OPA3: variants seen among roughly 807,000 people sequenced by gnomAD.
OPA3 encodes outer mitochondrial membrane lipid metabolism regulator OPA3.
In OPA3, 6 loss-of-function variants were observed where a neutral mutation model predicts 4.0. The ratio of observed to expected loss-of-function variants is 1.51; its 90% confidence interval spans 0.83 to 2.99. The LOEUF (loss-of-function observed/expected upper bound fraction) is 2.99. Among genes scored for constraint, OPA3 ranks in the 30% most tolerant of loss-of-function variants. OPA3 has a pLI of 0.00. For missense variants in OPA3, 235 were observed against 256.2 expected, an observed-to-expected ratio of 0.92 and a Z score of 0.56; for synonymous variants, 105 against 117.1, an observed-to-expected ratio of 0.90 and a Z score of 0.67.
intron 1 of OPA3, among the ~76,000 whole-genome samples, chr19:45,573,175 C>A (rs533484126): frequency 6.6e-6 from 1 of 152,176 alleles, no homozygotes; most frequent in South Asian, 2.1e-4. Flanking sequence ...TGGTTCTACA[C>A]AAGGCTGTTG....
intron 1 of OPA3, among the ~76,000 whole-genome samples, chr19:45,562,343 C>CAAAAAAAAAAAA (rs1218744939): frequency 5.8e-5 from 4 of 69,424 alleles, no homozygotes; most frequent in Non-Finnish European, 1.1e-4. Context: ...GACTCCATCT[C>CAAAAAAAAAAAA]AAAAAAAAAA....
In OPA3 at chr19:45,548,692, CAA is replaced by C; in HGVS notation, c.*4820_*4821del. On this transcript the variant is annotated 3_prime_UTR_variant, in exon 2 of 2. Coordinates refer to ENST00000263275, the MANE Select transcript of OPA3 (RefSeq NM_025136.4). ...TTTTTTTTTGCGGGAGACGCCCTAC[CAA>C]GGACACTGGGTCCATGTCCCGGTGC... 4 of 982,232 alleles carry C rather than the reference CAA, an allele frequency of 4.1e-6. No homozygotes were observed. In the South Asian group the frequency reaches 1.9e-4, roughly 46 times the overall value. 60.8% of individuals were successfully genotyped at this position (982,232 alleles called of 1,614,324 possible). A position where few individuals can be genotyped will look rare whatever the true frequency, so the allele number is the denominator to read the frequency against.
chr19:45,550,020 G>T lies in OPA3; in HGVS notation c.*3494C>A. 2.1e-6 allele frequency: 1 copy of T among 483,730 alleles called. No individual in the cohort carries two copies. Among genetic ancestry groups the T allele is most frequent in the Non-Finnish European group, 2.7e-6 (1 of 371,754 alleles). The allele number at this position is 483,730 out of a possible 1,614,324, so 30.0% of individuals were successfully genotyped here. On this transcript the variant is annotated 3_prime_UTR_variant, in exon 2 of 2. Coordinates refer to ENST00000263275, the MANE Select transcript of OPA3 (RefSeq NM_025136.4). ...TAAAATACAAAAATTAGCCAGGCGT[G>T]GGTGGTGGGCACATGTAATCCCAGC...
intron 1 of OPA3, among the ~76,000 whole-genome samples, chr19:45,582,137 T>G (rs1456817089): frequency 6.6e-6 from 1 of 151,748 alleles, no homozygotes; most frequent in African/African-American, 2.4e-5. Flanking sequence ...CCCTGAGCAT[T>G]CAGGGAGATT....
intron 1 of OPA3, among the ~76,000 whole-genome samples, chr19:45,536,836 A>G (rs181400324): frequency 1.3e-5 from 2 of 152,306 alleles, no homozygotes; most frequent in African/African-American, 4.8e-5. Context: ...TTCACAGAGA[A>G]AAAAATAAAC....
Position 45,552,949 on chromosome 19 carries a change from T to G in OPA3, c.*565A>C. 1.0e-6 allele frequency: 1 copy of G among 985,918 alleles called. No homozygotes were observed. Among genetic ancestry groups the G allele is most frequent in the Non-Finnish European group, 1.2e-6 (1 of 829,182 alleles). 61.1% of individuals were successfully genotyped at this position (985,918 alleles called of 1,614,324 possible). ...CCTCGGCCTCCCAAGGTGCTAGGAT[T>G]ACAGGCGTGAGCCACCGCTCCCAGC... On this transcript the variant is annotated 3_prime_UTR_variant, in exon 2 of 2. Coordinates refer to ENST00000263275, the MANE Select transcript of OPA3 (RefSeq NM_025136.4).
At chr19:45,582,282 CCCG>C (rs1019351911) in intron 1 of OPA3, among the ~76,000 whole-genome samples, 5 of 151,900 alleles carry the variant, frequency 3.3e-5, no homozygotes, top group African/African-American at 1.2e-4. Context: ...GCTCCAGCCT[CCCG>C]AGTAGCTGGG....
intron 1 of OPA3, among the ~76,000 whole-genome samples, chr19:45,538,592 G>A (rs569603426): frequency 5.3e-5 from 8 of 152,170 alleles, no homozygotes; most frequent in South Asian, 4.2e-4. Flanking sequence ...GTGTGGTGGC[G>A]TGTGCCTGTA....
chr19:45,572,353 C>CATATATGAGATATATATCGATATGAT (rs1969683953), intron 1 of OPA3, among the ~76,000 whole-genome samples: 1 of 128,642 alleles, frequency 7.8e-6, no homozygotes, highest in Non-Finnish European at 1.6e-5. Flanking sequence ...TATATATCGA[C>CATATATGAGATATATATCGATATGAT]ATATATGAGA....
Position 45,557,564 on chromosome 19 carries a change from C to T in OPA3, c.143-3653G>A, listed in dbSNP as rs76342944. Among the ~76,000 whole-genome samples, 1,313 of 152,232 alleles carry T rather than the reference C, an allele frequency of 8.6e-3. 9 individuals carry two copies. Among genetic ancestry groups the T allele is most frequent in the Non-Finnish European group, 0.013 (865 of 68,008 alleles). The stretch of plus-strand genomic sequence containing the variant: ...CCCACACCTGTCCCCTGGCTAGAGA[C>T]GGGGGCCTCAGCCCAGCTGTTCCCC... On this transcript the variant is annotated intron_variant, in intron 1 of 1. Transcript: ENST00000263275.
intron 1 of OPA3, among the ~76,000 whole-genome samples, chr19:45,583,290 A>C (rs1193591228): frequency 2.6e-5 from 4 of 151,900 alleles, no homozygotes; most frequent in African/African-American, 9.7e-5. Context: ...AGCTGGGACC[A>C]CAGGCGCCCA....
chr19:45,535,579 G>A lies in OPA3; in HGVS notation c.143-6123C>T, dbSNP rs1041360388. Among the ~76,000 whole-genome samples the A allele has an allele frequency of 5.9e-5, 9 of 151,700 alleles. No individual in the cohort carries two copies. The East Asian group carries it at 1.8e-3, about 30-fold the overall frequency. On this transcript the variant is annotated intron_variant, in intron 1 of 1. Coordinates refer to the OPA3 transcript ENST00000323060. ...TCGCCATGTTGTTCAGGCTGGTCTC[G>A]AACTCCTGGGCTCAAGCGATCCAAC...
rs1254358934 is a variant in OPA3 at position 45,552,767 on chromosome 19, A to G, written c.*747T>C. On this transcript the variant is annotated 3_prime_UTR_variant, in exon 2 of 2. Transcript: ENST00000263275. ...CTTGGCTCACCGCAACCTCCACCTC[A>G]TGGGTTCAAGCAATTCTCCTGCCTC... 1 of 152,628 alleles carries G rather than the reference A, an allele frequency of 6.6e-6. No homozygotes were observed. The highest frequency in any genetic ancestry group is 2.5e-5 in the African/African-American group (1 of 40,606). The allele number at this position is 152,628 out of a possible 1,614,324, so 9.5% of individuals were successfully genotyped here.
At chr19:45,531,626 C>T (rs571705252) in intron 1 of OPA3, among the ~76,000 whole-genome samples, 139 of 152,248 alleles carry the variant, frequency 9.1e-4, no homozygotes, top group Non-Finnish European at 1.7e-3. Context: ...CTTGGTATCT[C>T]AGTGTTTTGA....
chr19:45,544,989 A>G (rs1249721621), downstream of OPA3, among the ~76,000 whole-genome samples: 1 of 149,848 alleles, frequency 6.7e-6, no homozygotes, highest in Non-Finnish European at 1.5e-5. Flanking sequence ...GTCTCAAAAA[A>G]ACAAAAACAA....
downstream of OPA3, among the ~76,000 whole-genome samples, chr19:45,542,665 G>GTTTTTTTTTT (rs59474391): frequency 1.1e-4 from 11 of 103,334 alleles, no homozygotes; most frequent in Non-Finnish European, 1.2e-4. Context: ...CTGTTTTTTT[G>GTTTTTTTTTT]TTTTTTTTTT....
At chr19:45,571,607 G>C (rs574269815) in intron 1 of OPA3, among the ~76,000 whole-genome samples, 35 of 152,266 alleles carry the variant, frequency 2.3e-4, no homozygotes, top group Non-Finnish European at 4.4e-4. Context: ...TGACGCTCTG[G>C]TGATTATAAA....
chr19:45,559,650 G>A (rs553599155), intron 1 of OPA3, among the ~76,000 whole-genome samples: 2 of 151,364 alleles, frequency 1.3e-5, no homozygotes, highest in South Asian at 2.1e-4. Flanking sequence ...TGATCCACCC[G>A]CCTCAGCCTC....
At chr19:45,571,034 A>T (rs10404512) in intron 1 of OPA3, among the ~76,000 whole-genome samples, 13,134 of 145,024 alleles carry the variant, frequency 0.091, 1,229 homozygotes, top group African/African-American at 0.24. Flanking sequence ...TGTTCGTTTC[A>T]TCCCTCTAAT....
Sources: gnomAD v4.1 joint callset for allele counts (sites outside exome capture counted in the v4.1 genomes callset) on GRCh38, gnomAD v4.1.1 for gene constraint, MANE v1.5 for transcripts, NCBI Gene and HGNC (gene_info 2026-07-23, HGNC 2026-07-21) for gene names.